The following CFAP43 variants were observed in gnomAD, a reference collection of about 807,000 sequenced individuals.
The protein encoded by CFAP43 is cilia- and flagella-associated protein 43.
In CFAP43, 155 loss-of-function variants were observed where a neutral mutation model predicts 218.9. The observed-to-expected ratio is 0.71, with a 90% CI of 0.62 to 0.81. The LOEUF (loss-of-function observed/expected upper bound fraction) is 0.81, where lower values mean the gene tolerates loss of function less well. Ranked by LOEUF, CFAP43 falls within the 30% of genes least tolerant of loss-of-function variation. CFAP43 has a pLI of 0.00. For missense variants in CFAP43, 1,778 were observed against 1,954.3 expected (o/e 0.91, Z 1.70); for synonymous variants, 645 against 681.3 (o/e 0.95, Z 0.83).
intron 3 of CFAP43, among the ~76,000 whole-genome samples, chr10:104,214,909 G>A (rs552120238): frequency 1.1e-4 from 17 of 151,996 alleles, no homozygotes; most frequent in Non-Finnish European, 1.2e-4. Context: ...AGGCCAAAGC[G>A]GGTGGATCAC....
At chr10:104,222,949 T>C (rs1654429011) in intron 3 of CFAP43, among the ~76,000 whole-genome samples, 1 of 152,240 alleles carries the variant, frequency 6.6e-6, no homozygotes, top group South Asian at 2.1e-4. Context: ...GCTCTTTCTA[T>C]AAAGGACCAG....
At chr10:104,204,321 C>T (rs183694641) in intron 7 of CFAP43, among the ~76,000 whole-genome samples, 55 of 152,166 alleles carry the variant, frequency 3.6e-4, no homozygotes, top group Non-Finnish European at 6.8e-4. Flanking sequence ...CCAATAGAAA[C>T]GGGTTGGTTG....
intron 6 of CFAP43, among the ~76,000 whole-genome samples, chr10:104,206,650 G>C (rs996123425): frequency 3.3e-5 from 5 of 152,168 alleles, no homozygotes; most frequent in Admixed American, 6.5e-5. Flanking sequence ...TCCTAAAGTT[G>C]TTACAGAAAT....
intron 8 of CFAP43, 42 bp from the exon 9 acceptor site, chr10:104,198,080 G>T: frequency 8.4e-7 from 1 of 1,187,852 alleles, no homozygotes; most frequent in Non-Finnish European, 1.2e-6. Context: ...TGTAATTGTT[G>T]TGTATATAGT....
intron 34 of CFAP43, among the ~76,000 whole-genome samples, chr10:104,138,432 T>C (rs1264628897): frequency 1.3e-5 from 2 of 152,052 alleles, no homozygotes; most frequent in Non-Finnish European, 1.5e-5. Flanking sequence ...TCCCAACACT[T>C]TGGGAGGCTG....
intron 12 of CFAP43, among the ~76,000 whole-genome samples, chr10:104,189,463 C>T (rs1022076042): frequency 6.6e-6 from 1 of 152,230 alleles, no homozygotes; most frequent in Non-Finnish European, 1.5e-5. Flanking sequence ...CACCTGCTGA[C>T]TGGCAAATAT....
intron 23 of CFAP43, 100 bp from the exon 24 acceptor site, chr10:104,164,400 T>A (rs1015724423): frequency 4.2e-4 from 85 of 200,116 alleles, no homozygotes; most frequent in East Asian, 6.2e-4. Context: ...ATTCCACAAA[T>A]TTTTTTTTTT....
At chr10:104,151,334 T>C (rs894549800) in intron 28 of CFAP43, among the ~76,000 whole-genome samples, 3 of 152,240 alleles carry the variant, frequency 2.0e-5, no homozygotes, top group East Asian at 1.9e-4. Flanking sequence ...CTTTCCACAA[T>C]TGTTGAGCTA....
intron 10 of CFAP43, 75 bp downstream of exon 10, chr10:104,196,778 G>T: frequency 1.6e-6 from 2 of 1,240,726 alleles, no homozygotes; most frequent in South Asian, 1.4e-5. Flanking sequence ...ACAGACTATT[G>T]ACATGTGAAT....
At chr10:104,130,923 C>A (rs560250955) in intron 37 of CFAP43, among the ~76,000 whole-genome samples, 2 of 145,904 alleles carry the variant, frequency 1.4e-5, no homozygotes. Flanking sequence ...CAATTGAGCC[C>A]AGGAGGTGGA....
chr10:104,208,566 T>G (rs1018117253), intron 5 of CFAP43, among the ~76,000 whole-genome samples: 1 of 152,192 alleles, frequency 6.6e-6, no homozygotes, highest in African/African-American at 2.4e-5. Context: ...TTTATAATTC[T>G]GAGATATTTA....
chr10:104,178,576 C>T (rs1395708693), intron 19 of CFAP43, among the ~76,000 whole-genome samples: 1 of 151,838 alleles, frequency 6.6e-6, no homozygotes, highest in African/African-American at 2.4e-5. Context: ...TAGTTAGCAT[C>T]AAAACAGAAA....
chr10:104,151,068 A>G (rs943864095), intron 28 of CFAP43, among the ~76,000 whole-genome samples: 16 of 152,224 alleles, frequency 1.1e-4, no homozygotes, highest in East Asian at 5.8e-4. Context: ...AGCAAAGGAC[A>G]TGATCTCATT....
In CFAP43 at chr10:104,164,399, A is replaced by ATT. The variant is rs61636691; in HGVS notation, c.3040-101_3040-100dup. ...CTTTCCCTCTAAAATCATTCCACAA[A>ATT]TTTTTTTTTTTTTTTTGAGATGCAG... On this transcript the variant is annotated intron_variant, in intron 23 of 37. Coordinates refer to ENST00000357060, the MANE Select transcript of CFAP43 (RefSeq NM_025145.7). 3,065 of 792,284 alleles carry ATT rather than the reference A, an allele frequency of 3.9e-3. 8 individuals are homozygous for ATT. Among genetic ancestry groups the ATT allele is most frequent in the African/African-American group, 0.021 (1,129 of 53,066 alleles). The allele number at this position is 792,284 out of a possible 1,614,324, so 49.1% of individuals were successfully genotyped here.
At chr10:104,210,262 T>C (rs1016493919) in intron 5 of CFAP43, among the ~76,000 whole-genome samples, 6 of 152,256 alleles carry the variant, frequency 3.9e-5, no homozygotes, top group Non-Finnish European at 8.8e-5. Flanking sequence ...AGGTGAATCA[T>C]TGACATTCAT....
intron 22 of CFAP43, among the ~76,000 whole-genome samples, chr10:104,167,041 C>T (rs1275575191): frequency 6.6e-6 from 1 of 152,100 alleles, no homozygotes; most frequent in Admixed American, 6.5e-5. Flanking sequence ...TATATATTCT[C>T]TTTATATTTT....
chr10:104,207,869 C>T, intron 5 of CFAP43, 45 bp from the exon 6 acceptor site: 1 of 1,563,794 alleles, frequency 6.4e-7, no homozygotes, highest in Non-Finnish European at 8.7e-7. Flanking sequence ...ACAATCACGG[C>T]TAAAAGCCTG....
At position 104,166,698 on chromosome 10, in the gene CFAP43, C is replaced by G. The variant is rs776083072; in HGVS notation, c.2829G>C (p.Glu943Asp). 1.9e-6 allele frequency: 3 copies of G among 1,610,034 alleles called. No individual in the cohort carries two copies. The highest frequency in any genetic ancestry group is 2.5e-6 in the Non-Finnish European group (3 of 1,178,426). ...TAATCAACTTAACTCCAGACTGAGC[C>G]TCTACAATTTCCTTCCGTAGCTACA... ...ECLKLRKEIV[E>D]AQSGVKLIKQ... Residue 943 changes from glutamate to aspartate, a missense_variant, in exon 23 of 38, where the codon GAG becomes GAC. Glu to Asp is a conservative substitution (Grantham distance 45). This residue lies in a region of CFAP43 where 1,553 missense variants were observed against 1,685.2 expected (regional missense o/e 0.92). Coordinates refer to ENST00000357060, the MANE Select transcript of CFAP43 (RefSeq NM_025145.7).
chr10:104,178,473 T>C (rs2089709154), intron 19 of CFAP43, among the ~76,000 whole-genome samples: 1 of 152,176 alleles, frequency 6.6e-6, no homozygotes, highest in South Asian at 2.1e-4. Flanking sequence ...ACTATCATAG[T>C]GTGTATTCCA....
Sources: gnomAD v4.1 joint callset for allele counts (sites outside exome capture counted in the v4.1 genomes callset) on GRCh38, gnomAD v4.1.1 for gene constraint, gnomAD v4.1.1 regional missense constraint, MANE v1.5 for transcripts, NCBI Gene and HGNC (gene_info 2026-07-23, HGNC 2026-07-21) for gene names.